The following ACTN1 variants were observed in gnomAD, a reference collection of about 807,000 sequenced individuals.
ACTN1 encodes the protein alpha-actinin-1.
In ACTN1, 30 loss-of-function variants were observed where a neutral mutation model predicts 119.6. The observed-to-expected ratio is 0.25, with a 90% CI of 0.19 to 0.34. The LOEUF is 0.34. ACTN1 is among the 10% of genes least tolerant of loss of function. The pLI is 1.00. For synonymous variants in ACTN1, 429 were observed against 472.6 expected, an observed-to-expected ratio of 0.91 and a Z score of 1.20; for missense variants, 764 against 1,223.4, an observed-to-expected ratio of 0.62 and a Z score of 5.60.
At chr14:68,978,305 CT>C (rs1478276671) in intron 1 of ACTN1, 2 of 436,570 alleles carry the variant, frequency 4.6e-6, no homozygotes, top group Non-Finnish European at 9.2e-6. Flanking sequence ...ATAAAACGGT[CT>C]GCTGTCCTGA....
chr14:68,918,437 T>A (rs1483328716), intron 3 of ACTN1, among the ~76,000 whole-genome samples: 1 of 148,080 alleles, frequency 6.8e-6, no homozygotes, highest in Admixed American at 6.8e-5. Context: ...TAAAAAAAAA[T>A]TAGCCAGGCG....
rs533576968 is a variant in ACTN1, at chr14:68,904,420, C to T, written c.676+235G>A. 3.5e-4 allele frequency among the ~76,000 whole-genome samples: 53 copies of T among 152,302 alleles called. No individual in the cohort carries two copies. In the Middle Eastern group the frequency reaches 0.01, roughly 29 times the overall value. On this transcript the variant is annotated intron_variant, in intron 7 of 21. Coordinates refer to ENST00000394419, the MANE Select transcript of ACTN1 (RefSeq NM_001130004.2). Reference sequence around the variant, plus strand: ...AAGACAAGAACCATCCTCAGGCAGTCGATGCAAGAACAGCCCCTAAGACCT... The same window carrying T: ...AAGACAAGAACCATCCTCAGGCAGTTGATGCAAGAACAGCCCCTAAGACCT...
At chr14:68,967,746 A>G (rs2036751371) in intron 1 of ACTN1, among the ~76,000 whole-genome samples, 1 of 152,232 alleles carries the variant, frequency 6.6e-6, no homozygotes, top group African/African-American at 2.4e-5. Flanking sequence ...AGGCCACTCA[A>G]CTGGGACCCC....
In ACTN1 at chr14:68,885,156, G is replaced by A. The variant is rs552477428; in HGVS notation, c.1385+269C>T. Among the ~76,000 whole-genome samples, 14 of 152,216 alleles carry A rather than the reference G, an allele frequency of 9.2e-5. No homozygotes were observed. The highest frequency in any genetic ancestry group is 2.1e-4 in the South Asian group (1 of 4,814). ...TGGCAGGGAGCCCTCGAGGCCCAAC[G>A]AGAAAGCTCAGAACCAAGTCTTGGT... On this transcript the variant is annotated intron_variant, in intron 12 of 21. Transcript: ENST00000394419. The surrounding 1 kb of genome is among the most constrained non-coding windows in gnomAD (Gnocchi z 5.6).
intron 4 of ACTN1, 88 bp from the exon 5 acceptor site, chr14:68,910,130 T>A: frequency 9.7e-7 from 1 of 1,025,904 alleles, no homozygotes; most frequent in South Asian, 1.4e-5. Context: ...ACTGTGACCC[T>A]TTGATGCCAA....
intron 11 of ACTN1, among the ~76,000 whole-genome samples, chr14:68,889,187 T>C (rs2032276875): frequency 6.6e-6 from 1 of 152,112 alleles, no homozygotes; most frequent in Admixed American, 6.5e-5. Flanking sequence ...TCCTCTCTCT[T>C]CAGAGTTCAC....
intron 14 of ACTN1, among the ~76,000 whole-genome samples, chr14:68,883,645 A>T: frequency 6.6e-6 from 1 of 152,092 alleles, no homozygotes; most frequent in South Asian, 2.1e-4. Flanking sequence ...AGGCATGGTG[A>T]TGTGAGCCTG....
chr14:68,885,770 G>A lies in ACTN1; in HGVS notation c.1235-195C>T. 1 of 628,266 alleles carries A rather than the reference G, an allele frequency of 1.6e-6. No individual in the cohort carries two copies. Among genetic ancestry groups the A allele is most frequent in the Non-Finnish European group, 2.7e-6 (1 of 364,910 alleles). 38.9% of individuals were successfully genotyped at this position (628,266 alleles called of 1,614,324 possible). ...CCACCAACCGGCGCAACGGGGAAAA[G>A]CACTCTCCTCAGAGCACTTCCAAGG... On this transcript the variant is annotated intron_variant, in intron 11 of 21. Coordinates refer to ENST00000394419, the MANE Select transcript of ACTN1 (RefSeq NM_001130004.2). The surrounding 1 kb of genome is among the most constrained non-coding windows in gnomAD (Gnocchi z 5.6).
intron 16 of ACTN1, 180 bp from the exon 17 acceptor site, chr14:68,881,169 G>C: frequency 1.7e-6 from 1 of 591,852 alleles, no homozygotes; most frequent in South Asian, 2.1e-5. Flanking sequence ...TCTTAGGTAT[G>C]GAAACAGCAC....
chr14:68,912,954 G>C (rs1451111675), intron 3 of ACTN1, among the ~76,000 whole-genome samples: 1 of 152,204 alleles, frequency 6.6e-6, no homozygotes, highest in Non-Finnish European at 1.5e-5. Context: ...TGGAAAAACA[G>C]TGGAATCAAG....
intron 1 of ACTN1, among the ~76,000 whole-genome samples, chr14:68,931,134 C>T (rs1164108716): frequency 6.6e-6 from 1 of 152,196 alleles, no homozygotes; most frequent in Non-Finnish European, 1.5e-5. Flanking sequence ...AGAACCAAGG[C>T]TGAGATTCTC....
At chr14:68,935,299 C>G (rs2035436128) in intron 1 of ACTN1, among the ~76,000 whole-genome samples, 2 of 151,680 alleles carry the variant, frequency 1.3e-5, no homozygotes, top group South Asian at 4.1e-4. Flanking sequence ...GCTGGGATTA[C>G]AGGCATGAGC....
chr14:68,949,820 C>T (rs917636994), intron 1 of ACTN1, among the ~76,000 whole-genome samples: 2 of 152,172 alleles, frequency 1.3e-5, no homozygotes, highest in African/African-American at 2.4e-5. Flanking sequence ...GACCAACCTT[C>T]AAGACATTCT....
intron 8 of ACTN1, among the ~76,000 whole-genome samples, chr14:68,894,457 G>C (rs762945356): frequency 6.6e-6 from 1 of 152,206 alleles, no homozygotes; most frequent in Non-Finnish European, 1.5e-5. Flanking sequence ...GCAGCAAAGG[G>C]AAGGAAAGGG....
intron 1 of ACTN1, chr14:68,978,448 C>A (rs2037146866): frequency 5.6e-5 from 19 of 341,634 alleles, no homozygotes; most frequent in South Asian, 4.0e-4. Context: ...CTCTCCCCTC[C>A]GCCTAAGGGG....
Position 68,885,670 on chromosome 14 carries a change from T to C in ACTN1, c.1235-95A>G, listed in dbSNP as rs558397401. 27 of 1,411,534 alleles carry C rather than the reference T, an allele frequency of 1.9e-5. No individual in the cohort carries two copies. In the East Asian group the frequency reaches 5.7e-4, roughly 30 times the overall value. The allele number at this position is 1,411,534 out of a possible 1,614,324, so 87.4% of individuals were successfully genotyped here. A position where few individuals can be genotyped will look rare whatever the true frequency, so the allele number is the denominator to read the frequency against. ...CTCAGGGCCCCAGGAGCTCCACTTC[T>C]GGGGGTGCTTCTCAAGGAGGTGCCC... On this transcript the variant is annotated intron_variant, in intron 11 of 21. Transcript: ENST00000394419. The surrounding 1 kb of genome is among the most constrained non-coding windows in gnomAD (Gnocchi z 5.6).
At chr14:68,977,907 A>G (rs1350730904) in intron 1 of ACTN1, 1 of 453,234 alleles carries the variant, frequency 2.2e-6, no homozygotes, top group South Asian at 1.6e-5. Context: ...GGGGAGGGAA[A>G]GGGGTATTCA....
intron 1 of ACTN1, among the ~76,000 whole-genome samples, chr14:68,929,666 C>T (rs1489689365): frequency 5.9e-5 from 9 of 152,182 alleles, no homozygotes; most frequent in African/African-American, 1.9e-4. Context: ...AAGGACCACA[C>T]TGGGATGTTC....
intron 3 of ACTN1, among the ~76,000 whole-genome samples, chr14:68,915,955 A>C (rs1271097570): frequency 6.6e-6 from 1 of 152,254 alleles, no homozygotes; most frequent in African/African-American, 2.4e-5. Context: ...CGGAGGTTGC[A>C]GTAAGCTGAG....
Sources: gnomAD v4.1 joint callset for allele counts (sites outside exome capture counted in the v4.1 genomes callset) on GRCh38, gnomAD v4.1.1 for gene constraint, Gnocchi (gnomAD v3.1) non-coding constraint, MANE v1.5 for transcripts, NCBI Gene and HGNC (gene_info 2026-07-23, HGNC 2026-07-21) for gene names.